The following KDM4C variants were observed in gnomAD, a reference collection of about 807,000 sequenced individuals.
KDM4C encodes the protein lysine-specific demethylase 4C.
A neutral mutation model predicts 129.3 loss-of-function variants in KDM4C; 81 were observed. That is an observed-to-expected ratio of 0.63 (90% CI 0.52 to 0.75). KDM4C has a LOEUF of 0.75. KDM4C is among the 30% of genes least tolerant of loss of function. The pLI, the probability that KDM4C is intolerant of heterozygous loss-of-function variation, is 0.00. For synonymous variants in KDM4C, 573 were observed against 456.1 expected (o/e 1.26, Z -3.26); for missense variants, 1,457 against 1,304.0 (o/e 1.12, Z -1.81).
At chr9:6,848,733 CTT>C (rs1838308296) in intron 4 of KDM4C, among the ~76,000 whole-genome samples, 1 of 152,058 alleles carries the variant, frequency 6.6e-6, no homozygotes, top group South Asian at 2.1e-4. Flanking sequence ...CACCTTAACT[CTT>C]ATAGTAGTGA....
intron 21 of KDM4C, chr9:7,170,389 T>C (rs1844838515): frequency 1.0e-6 from 1 of 997,900 alleles, no homozygotes; most frequent in African/African-American, 1.7e-5. Flanking sequence ...ACTCTGACTT[T>C]CATAATAAAA....
At chr9:6,818,913 T>C (rs2131192215) in intron 4 of KDM4C, 1 of 152,296 alleles carries the variant, frequency 6.6e-6, no homozygotes, top group East Asian at 1.9e-4. Flanking sequence ...ATATTGCCCC[T>C]GAGCTGATGG....
chr9:7,169,904 G>A lies in KDM4C; in HGVS notation c.2994+14G>A, dbSNP rs1382036356. 2.5e-6 allele frequency: 4 copies of A among 1,613,838 alleles called. No homozygotes were observed. Among genetic ancestry groups the A allele is most frequent in the Admixed American group, 1.7e-5 (1 of 60,028 alleles). On this transcript the variant is annotated intron_variant, in intron 21 of 21. Transcript: ENST00000381309. ...AAAGCTCGATTTGTAAGTGCTGGCA[G>A]ATGCCACTTGGGGACCTGCCAAGTG... is the stretch of plus-strand genomic sequence containing the variant.
chr9:7,011,303 A>G (rs988738009), intron 12 of KDM4C, among the ~76,000 whole-genome samples: 2 of 152,224 alleles, frequency 1.3e-5, no homozygotes, highest in African/African-American at 4.8e-5. Flanking sequence ...TTGGCAAAGT[A>G]GTTTCTGGAC....
At chr9:6,807,555 G>T (rs1425161252) in intron 3 of KDM4C, among the ~76,000 whole-genome samples, 1 of 149,264 alleles carries the variant, frequency 6.7e-6, no homozygotes, top group Non-Finnish European at 1.5e-5. Flanking sequence ...GATGTGAGGA[G>T]CGCCTCTGCC....
rs1201527466 is a variant in KDM4C, at chr9:7,049,177, A to G, written c.2401A>G (p.Ile801Val). 3 of 1,606,020 alleles carry G rather than the reference A, an allele frequency of 1.9e-6. No individual in the cohort carries two copies. The highest frequency in any genetic ancestry group is 1.7e-6 in the Non-Finnish European group (2 of 1,173,094). Residue 801 changes from isoleucine to valine, a missense_variant, in exon 17 of 22, where the codon ATA (isoleucine) becomes GTA (valine). Physicochemically the swap from Ile to Val is conservative, Grantham distance 29. Coordinates refer to ENST00000381309, the MANE Select transcript of KDM4C (RefSeq NM_015061.6). ...PERTQIDVGR[I>V]PLQRLKLKCI... ...AAGGACACAAATAGATGTAGGCAGA[A>G]TACCTTTACAGAGGTTAAAATTGGT...
At chr9:6,883,928 A>C (rs1032011936) in intron 6 of KDM4C, among the ~76,000 whole-genome samples, 1 of 152,072 alleles carries the variant, frequency 6.6e-6, no homozygotes, top group Non-Finnish European at 1.5e-5. Context: ...AGTAAAAAAA[A>C]CCCCATGCGT....
intron 5 of KDM4C, among the ~76,000 whole-genome samples, chr9:6,857,408 A>G (rs1350425093): frequency 6.6e-6 from 1 of 152,240 alleles, no homozygotes; most frequent in East Asian, 1.9e-4. Flanking sequence ...TAAGAAGAAG[A>G]GAATACAGTG....
At chr9:6,924,186 A>G (rs538836113) in intron 8 of KDM4C, among the ~76,000 whole-genome samples, 1 of 152,174 alleles carries the variant, frequency 6.6e-6, no homozygotes, top group Non-Finnish European at 1.5e-5. Flanking sequence ...CTGGAGAGAG[A>G]AAGTGGTTAC....
chr9:6,895,463 G>C (rs139435475), intron 8 of KDM4C, among the ~76,000 whole-genome samples: 54 of 152,282 alleles, frequency 3.5e-4, no homozygotes, highest in African/African-American at 1.3e-3. Context: ...TTTCAGAGCA[G>C]GCAATCCGCA....
intron 17 of KDM4C, among the ~76,000 whole-genome samples, chr9:7,059,108 C>T (rs1218778764): frequency 6.6e-6 from 1 of 152,058 alleles, no homozygotes; most frequent in African/African-American, 2.4e-5. Flanking sequence ...ATAAAATGTG[C>T]CAACATTTGG....
intron 12 of KDM4C, among the ~76,000 whole-genome samples, chr9:7,000,761 G>A (rs892416773): frequency 6.6e-6 from 1 of 152,108 alleles, no homozygotes; most frequent in Non-Finnish European, 1.5e-5. Context: ...CTTGGAGATA[G>A]AATGTCTCAG....
chr9:6,885,753 A>G (rs1249166891), intron 6 of KDM4C, among the ~76,000 whole-genome samples: 3 of 152,224 alleles, frequency 2.0e-5, no homozygotes, highest in Non-Finnish European at 4.4e-5. Flanking sequence ...TAAGGCACAT[A>G]CTTTGTACAT....
chr9:6,934,812 T>C (rs1236883870), intron 8 of KDM4C, among the ~76,000 whole-genome samples: 1 of 152,018 alleles, frequency 6.6e-6, no homozygotes, highest in Non-Finnish European at 1.5e-5. Flanking sequence ...GATCCTTCTT[T>C]TTCCAAAAAA....
intron 1 of KDM4C, chr9:6,721,046 G>A: frequency 1.4e-6 from 2 of 1,472,358 alleles, no homozygotes; most frequent in Non-Finnish European, 1.9e-6. Flanking sequence ...CATAGTTGGT[G>A]GTTCTGTCAC....
At chr9:6,904,078 A>G (rs1345705626) in intron 8 of KDM4C, among the ~76,000 whole-genome samples, 2 of 152,092 alleles carry the variant, frequency 1.3e-5, no homozygotes, top group Non-Finnish European at 2.9e-5. Flanking sequence ...CATGTCTGCG[A>G]AAAATACAAA....
chr9:6,859,898 G>A (rs1352635962), intron 5 of KDM4C, among the ~76,000 whole-genome samples: 1 of 150,830 alleles, frequency 6.6e-6, no homozygotes, highest in African/African-American at 2.4e-5. Context: ...GAATTATTTA[G>A]AGTCTTAAAG....
chr9:7,017,270 TC>T (rs1463013377), intron 15 of KDM4C, among the ~76,000 whole-genome samples: 1 of 152,206 alleles, frequency 6.6e-6, no homozygotes, highest in African/African-American at 2.4e-5. Context: ...ATGAGGTCTT[TC>T]CCCACTTACT....
chr9:6,864,638 T>A (rs191441245), intron 5 of KDM4C, among the ~76,000 whole-genome samples: 3 of 151,892 alleles, frequency 2.0e-5, no homozygotes, highest in African/African-American at 7.2e-5. Context: ...CCAGCTAATT[T>A]TTTTTTTTAA....
Sources: gnomAD v4.1 joint callset for allele counts (sites outside exome capture counted in the v4.1 genomes callset) on GRCh38, gnomAD v4.1.1 for gene constraint, MANE v1.5 for transcripts, NCBI Gene and HGNC (gene_info 2026-07-23, HGNC 2026-07-21) for gene names.